Variants in PALD1 observed in about 807,000 individuals in gnomAD.
PALD1 encodes phosphatase domain containing paladin 1, also known as paladin.
Under a neutral mutation model 96.0 loss-of-function variants are expected in PALD1, and 57 were observed. That is an observed-to-expected ratio of 0.59 (90% CI 0.48 to 0.74). The LOEUF (loss-of-function observed/expected upper bound fraction) is 0.74. PALD1 is among the 30% of genes least tolerant of loss of function. PALD1 has a pLI of 0.00. For synonymous variants in PALD1, 464 were observed against 473.6 expected (o/e 0.98, Z 0.26); for missense variants, 1,063 against 1,143.7 (o/e 0.93, Z 1.02).
At position 70,479,068 on chromosome 10, in the gene PALD1, G is replaced by T. The variant is rs959350226; in HGVS notation, c.-30+9G>T. ...GAGCCGCGGGCTGGCAGGTACCGAA[G>T]TGTCCTGCCCTGGGGCTGGCGAGGG... On this transcript the variant is annotated intron_variant, in intron 1 of 19. Transcript: ENST00000263563. 3.3e-5 allele frequency: 5 copies of T among 152,334 alleles called. No homozygotes were observed. Among genetic ancestry groups the T allele is most frequent in the African/African-American group, 1.2e-4 (5 of 41,574 alleles). 9.4% of individuals were successfully genotyped at this position (152,334 alleles called of 1,614,324 possible). A position where few individuals can be genotyped will look rare whatever the true frequency, so the allele number is the denominator to read the frequency against.
chr10:70,525,243 C>G (rs1272065226), intron 1 of PALD1, among the ~76,000 whole-genome samples: 1 of 151,436 alleles, frequency 6.6e-6, no homozygotes, highest in Non-Finnish European at 1.5e-5. Flanking sequence ...AACTCCTGGT[C>G]TCAAGCGATC....
intron 1 of PALD1, among the ~76,000 whole-genome samples, chr10:70,496,756 T>C (rs1047603472): frequency 1.3e-5 from 2 of 152,208 alleles, no homozygotes; most frequent in Non-Finnish European, 2.9e-5. Context: ...CCCGCTTCTC[T>C]AGGACGTAGA....
chr10:70,493,806 T>G (rs1846140149), intron 1 of PALD1, among the ~76,000 whole-genome samples: 1 of 152,226 alleles, frequency 6.6e-6, no homozygotes, highest in Non-Finnish European at 1.5e-5. Flanking sequence ...TAGCCCCGCC[T>G]CCAGCATCAC....
chr10:70,494,048 C>A (rs980020211), intron 1 of PALD1, among the ~76,000 whole-genome samples: 1 of 152,218 alleles, frequency 6.6e-6, no homozygotes, highest in Non-Finnish European at 1.5e-5. Flanking sequence ...CTCACCTTGT[C>A]ACAGCCGCAC....
rs142228143 is a variant in PALD1 at position 70,534,492 on chromosome 10, A to G, written c.1090A>G (p.Met364Val). The part of the protein sequence containing the change: ...QFQVIQSFLR[M>V]VPQGRRMVEE... ...CCAGGTGATCCAGAGCTTTCTCCGC[A>G]TGGTGCCCCAGGGAAGGAGGATGGT... Residue 364 changes from methionine (M) to valine (V), a missense_variant, in exon 9 of 20, where the codon ATG (methionine) becomes GTG (valine). Met to Val is a conservative substitution (Grantham distance 21). Coordinates refer to ENST00000263563, the MANE Select transcript of PALD1 (RefSeq NM_014431.3). 13 of 1,612,962 alleles carry G rather than the reference A, an allele frequency of 8.1e-6. No homozygotes were observed. The highest frequency in any genetic ancestry group is 2.2e-5 in the East Asian group (1 of 44,852).
intron 18 of PALD1, among the ~76,000 whole-genome samples, chr10:70,558,079 G>T (rs1338433413): frequency 6.6e-6 from 1 of 151,848 alleles, no homozygotes; most frequent in African/African-American, 2.4e-5. Context: ...AATGACTGGG[G>T]CTACAGGCAT....
At chr10:70,491,427 T>C (rs1433941719) in intron 1 of PALD1, among the ~76,000 whole-genome samples, 1 of 152,074 alleles carries the variant, frequency 6.6e-6, no homozygotes, top group East Asian at 1.9e-4. Context: ...GCTTTTTTTT[T>C]CCTATTTGAA....
In PALD1 at chr10:70,529,263, G is replaced by A. The variant is rs1346141694; in HGVS notation, c.220G>A (p.Glu74Lys). The change falls in exon 3 of 20, where the codon GAG becomes AAG. Residue 74 changes from glutamate to lysine, a missense_variant. By Grantham distance (56) the Glu-to-Lys change is moderately conservative. Transcript: ENST00000263563. ...NCKEEFQIHDELLKAHYTLGR... is the reference protein window; with the variant it reads ...NCKEEFQIHDKLLKAHYTLGR... ...CAAGGAGGAGTTCCAGATCCATGAT[G>A]AGCTGCTCAAGGCTCATTACACGTT... The A allele has an allele frequency of 6.7e-7, 1 of 1,498,066 alleles. No homozygotes were observed. Among genetic ancestry groups the A allele is most frequent in the Non-Finnish European group, 9.1e-7 (1 of 1,098,732 alleles). The allele number at this position is 1,498,066 out of a possible 1,614,324, so 92.8% of individuals were successfully genotyped here.
At chr10:70,551,886 C>A (rs575254860) in intron 18 of PALD1, among the ~76,000 whole-genome samples, 1 of 147,864 alleles carries the variant, frequency 6.8e-6, no homozygotes, top group South Asian at 2.2e-4. Context: ...TTAGGTGGCT[C>A]AGGTTGAGCA....
intron 1 of PALD1, among the ~76,000 whole-genome samples, chr10:70,516,593 G>C (rs932400544): frequency 6.6e-6 from 1 of 152,070 alleles, no homozygotes; most frequent in African/African-American, 2.4e-5. Flanking sequence ...TCTCACTCTT[G>C]TCCAGGCTGG....
chr10:70,520,838 C>A (rs1413168615), intron 1 of PALD1, among the ~76,000 whole-genome samples: 1 of 151,384 alleles, frequency 6.6e-6, no homozygotes, highest in Non-Finnish European at 1.5e-5. Flanking sequence ...ATTACAGGCG[C>A]CTGCCAGCAC....
At chr10:70,557,656 C>G (rs1163122003) in intron 18 of PALD1, among the ~76,000 whole-genome samples, 1 of 152,148 alleles carries the variant, frequency 6.6e-6, no homozygotes, top group African/African-American at 2.4e-5. Context: ...TCGGTGGGGA[C>G]CCACCACACG....
chr10:70,529,256 C>A lies in PALD1; in HGVS notation c.213C>A (p.Ile71=). 1 of 1,162,664 alleles carries A rather than the reference C, an allele frequency of 8.6e-7. No homozygotes were observed. Among genetic ancestry groups the A allele is most frequent in the Non-Finnish European group, 1.2e-6 (1 of 841,946 alleles). The allele number at this position is 1,162,664 out of a possible 1,614,324, so 72.0% of individuals were successfully genotyped here. A position where few individuals can be genotyped will look rare whatever the true frequency, so the allele number is the denominator to read the frequency against. ...ACAACTGCAAGGAGGAGTTCCAGATCCATGATGAGCTGCTCAAGGCTCATT... is the reference window on the plus strand; with the variant it reads ...ACAACTGCAAGGAGGAGTTCCAGATACATGATGAGCTGCTCAAGGCTCATT... ...ITYNCKEEFQ[I]HDELLKAHYT... The change falls in exon 3 of 20, where the codon ATC becomes ATA. Residue 71 remains isoleucine, a synonymous_variant. Transcript: ENST00000263563.
intron 1 of PALD1, among the ~76,000 whole-genome samples, chr10:70,515,846 A>G (rs1264135407): frequency 6.6e-6 from 1 of 152,190 alleles, no homozygotes; most frequent in Non-Finnish European, 1.5e-5. Flanking sequence ...AGAGCCCACG[A>G]TTCACAGAGC....
In PALD1 at chr10:70,540,435, C is replaced by T. The variant is rs1847217684; in HGVS notation, c.1909-667C>T. 6.6e-6 allele frequency among the ~76,000 whole-genome samples: 1 copy of T among 151,678 alleles called. No homozygotes were observed. ...CGTTAGGAATGTGTGTGTGTGGCAT[C>T]TGTAGGTCTGTGACTGTGGGTGTCT... is the stretch of plus-strand genomic sequence containing the variant. On this transcript the variant is annotated intron_variant, in intron 15 of 19. Coordinates refer to ENST00000263563, the MANE Select transcript of PALD1 (RefSeq NM_014431.3). The surrounding 1 kb of genome is among the most constrained non-coding windows in gnomAD (Gnocchi z 4.2).
intron 10 of PALD1, among the ~76,000 whole-genome samples, 200 bp downstream of exon 10, chr10:70,535,043 T>C (rs1847080776): frequency 6.6e-6 from 1 of 152,242 alleles, no homozygotes; most frequent in East Asian, 1.9e-4. Flanking sequence ...AGTTTACTTT[T>C]CCTGACCAGG....
At chr10:70,468,701 A>AGTGT in the PALD1 span, among the ~76,000 whole-genome samples, 2 of 101,150 alleles carry the variant, frequency 2.0e-5, no homozygotes, top group African/African-American at 4.4e-5. Flanking sequence ...ATGAGGCAGG[A>AGTGT]CTGTGTGTGT....
chr10:70,476,090 G>A (rs566686529), upstream of PALD1, among the ~76,000 whole-genome samples: 14 of 152,290 alleles, frequency 9.2e-5, no homozygotes, highest in South Asian at 2.7e-3. Context: ...CAGTGCTGGT[G>A]GAGTGCTGGG....
At chr10:70,461,303 T>TC in the PALD1 span, among the ~76,000 whole-genome samples, 1 of 152,186 alleles carries the variant, frequency 6.6e-6, no homozygotes, top group Non-Finnish European at 1.5e-5. Flanking sequence ...GGAGAGGCCT[T>TC]CCCCACGAAC....
Sources: allele counts gnomAD v4.1 joint callset (sites outside exome capture counted in the v4.1 genomes callset), GRCh38; gene constraint gnomAD v4.1.1; non-coding constraint Gnocchi (gnomAD v3.1); transcripts MANE v1.5; gene names NCBI Gene and HGNC (gene_info 2026-07-23, HGNC 2026-07-21).